NCOA5: variants seen among roughly 807,000 people sequenced by gnomAD.
NCOA5 encodes the protein nuclear receptor coactivator 5.
In NCOA5, 12 loss-of-function variants were observed where a neutral mutation model predicts 59.0. The ratio of observed to expected loss-of-function variants is 0.20; its 90% confidence interval spans 0.13 to 0.33. The LOEUF (loss-of-function observed/expected upper bound fraction) is 0.33. Among genes scored for constraint, NCOA5 ranks in the 10% least tolerant of loss-of-function variants. The pLI is 1.00. For synonymous variants in NCOA5, 270 were observed against 275.5 expected (o/e 0.98, Z 0.20); for missense variants, 655 against 766.6 (o/e 0.85, Z 1.72).
rs934046844 is a variant in NCOA5, at chr20:46,089,661, T to C, written c.-30+156A>G. On this transcript the variant is annotated intron_variant, in intron 1 of 7. Transcript: ENST00000290231. ...AGGCGGCCGCGCCCCGCACCGGGCA[T>C]GCGCAGCACCGCGCGCACCCGGAGA... 3.3e-5 allele frequency among the ~76,000 whole-genome samples: 5 copies of C among 152,002 alleles called. No individual in the cohort carries two copies. The East Asian group carries it at 7.8e-4, about 24-fold the overall frequency.
At chr20:46,064,103 C>T (rs769311470) in intron 6 of NCOA5, among the ~76,000 whole-genome samples, 1 of 152,132 alleles carries the variant, frequency 6.6e-6, no homozygotes, top group African/African-American at 2.4e-5. Context: ...AGCTGGCCTA[C>T]CATTTTTTAA....
chr20:46,070,194 G>GT lies in NCOA5; in HGVS notation c.365+15dup. On this transcript the variant is annotated intron_variant, in intron 3 of 7. Coordinates refer to ENST00000290231, the MANE Select transcript of NCOA5 (RefSeq NM_020967.3). Reference sequence around the variant, plus strand: ...AAGAACTCAGGAAAAAACAAGCAGAGTAACTACGTATGTACCTGTACATAG... The same window carrying GT: ...AAGAACTCAGGAAAAAACAAGCAGAGTTAACTACGTATGTACCTGTACATAG... The GT allele has an allele frequency of 6.3e-7, 1 of 1,589,288 alleles. No homozygotes were observed. The highest frequency in any genetic ancestry group is 1.3e-5 in the African/African-American group (1 of 74,206).
chr20:46,063,206 T>C, intron 7 of NCOA5, 154 bp downstream of exon 7: 2 of 692,100 alleles, frequency 2.9e-6, no homozygotes, highest in Non-Finnish European at 4.8e-6. Flanking sequence ...ATTAACATTA[T>C]ATCAGCATGG....
In NCOA5 at chr20:46,067,816, T is replaced by TA. The variant is rs201464584; in HGVS notation, c.503-636dup. Among the ~76,000 whole-genome samples the TA allele has an allele frequency of 6.1e-3, 930 of 151,918 alleles. 12 individuals are homozygous for TA. Among genetic ancestry groups the TA allele is most frequent in the African/African-American group, 0.021 (884 of 41,458 alleles). Reference sequence around the variant, plus strand: ...AAGAGATGCTGTTAGGTAAAAGTTATAAAAAAAACCAAAAACCTATTTTGC... The same window carrying TA: ...AAGAGATGCTGTTAGGTAAAAGTTATAAAAAAAAACCAAAAACCTATTTTGC... On this transcript the variant is annotated intron_variant, in intron 4 of 7. Coordinates refer to ENST00000290231, the MANE Select transcript of NCOA5 (RefSeq NM_020967.3).
intron 1 of NCOA5, among the ~76,000 whole-genome samples, chr20:46,080,869 C>G (rs2084985219): frequency 6.6e-6 from 1 of 152,046 alleles, no homozygotes; most frequent in Admixed American, 6.5e-5. Flanking sequence ...CATAGCTTTG[C>G]TACTGCATGC....
chr20:46,086,582 TTC>T (rs1345380880), intron 1 of NCOA5, among the ~76,000 whole-genome samples: 1 of 152,226 alleles, frequency 6.6e-6, no homozygotes, highest in Non-Finnish European at 1.5e-5. Flanking sequence ...TAAAGGATAA[TTC>T]TGTTAGTCAT....
intron 2 of NCOA5, among the ~76,000 whole-genome samples, chr20:46,073,345 G>A (rs1291069044): frequency 6.6e-6 from 1 of 152,188 alleles, no homozygotes; most frequent in Non-Finnish European, 1.5e-5. Context: ...CCTGACTTGT[G>A]AGAGCAAACA....
chr20:46,086,401 CATAA>C (rs2085045871), intron 1 of NCOA5, among the ~76,000 whole-genome samples: 2 of 152,064 alleles, frequency 1.3e-5, no homozygotes, highest in Admixed American at 1.3e-4. Context: ...TGACCATTCC[CATAA>C]ATATTCATAT....
intron 6 of NCOA5, 146 bp from the exon 7 acceptor site, chr20:46,063,826 G>A (rs940682358): frequency 6.0e-6 from 5 of 831,428 alleles, no homozygotes; most frequent in African/African-American, 3.4e-5. Flanking sequence ...GTGGGGTGGT[G>A]TGGGGGGAGA....
At chr20:46,070,116 TAA>T (rs1223654471) in intron 3 of NCOA5, 92 bp downstream of exon 3, 11 of 993,084 alleles carry the variant, frequency 1.1e-5, no homozygotes, top group Non-Finnish European at 1.6e-5. Flanking sequence ...AAAAGGCTGA[TAA>T]AATGACTGCT....
chr20:46,080,001 A>G (rs2084975100), intron 1 of NCOA5, among the ~76,000 whole-genome samples: 1 of 152,212 alleles, frequency 6.6e-6, no homozygotes, highest in Non-Finnish European at 1.5e-5. Context: ...CTTCCAGAAT[A>G]ACATGCAGGA....
chr20:46,066,183 A>T (rs2084821858), intron 5 of NCOA5, among the ~76,000 whole-genome samples: 1 of 152,174 alleles, frequency 6.6e-6, no homozygotes, highest in Admixed American at 6.5e-5. Flanking sequence ...CCACCTAGGG[A>T]AAGGGAACAT....
chr20:46,071,436 T>A (rs973082102), intron 2 of NCOA5, among the ~76,000 whole-genome samples: 5 of 152,340 alleles, frequency 3.3e-5, no homozygotes, highest in Non-Finnish European at 7.3e-5. Context: ...CCGTTCACTT[T>A]TTCTTTCCAT....
At chr20:46,070,558 T>C (rs1568881333) in intron 2 of NCOA5, 22 bp from the exon 3 acceptor site, 5 of 1,603,088 alleles carry the variant, frequency 3.1e-6, no homozygotes, top group Non-Finnish European at 4.3e-6. Flanking sequence ...AGCAAGAAAA[T>C]GCTAAGACAA....
chr20:46,078,787 G>A (rs1460212966), intron 2 of NCOA5, among the ~76,000 whole-genome samples: 3 of 152,072 alleles, frequency 2.0e-5, no homozygotes, highest in East Asian at 1.9e-4. Context: ...TGTATACACC[G>A]GAAGGAAGAA....
At position 46,074,026 on chromosome 20, in the gene NCOA5, G is replaced by C. The variant is rs541284956; in HGVS notation, c.39-3490C>G. 2.6e-5 allele frequency among the ~76,000 whole-genome samples: 4 copies of C among 152,346 alleles called. No homozygotes were observed. The South Asian group carries it at 8.3e-4, about 32-fold the overall frequency. ...AAAAGGAAAAAGAACCAAAGGCATGGTGGAAGTAGGGACAAAGAAGATAAT... is the reference window on the plus strand; with the variant it reads ...AAAAGGAAAAAGAACCAAAGGCATGCTGGAAGTAGGGACAAAGAAGATAAT... On this transcript the variant is annotated intron_variant, in intron 2 of 7. Transcript: ENST00000290231.
At position 46,062,126 on chromosome 20, in the gene NCOA5, G is replaced by T; in HGVS notation, c.*174C>A. 1 of 564,432 alleles carries T rather than the reference G, an allele frequency of 1.8e-6. No individual in the cohort carries two copies. Among genetic ancestry groups the T allele is most frequent in the East Asian group, 2.8e-5 (1 of 35,630 alleles). 35.0% of individuals were successfully genotyped at this position (564,432 alleles called of 1,614,324 possible). ...CAGCCCCAAATGCAGTATAAACTTT[G>T]TAAGGAATAAGCAACACAGCCTTGG... On this transcript the variant is annotated 3_prime_UTR_variant, in exon 8 of 8. Coordinates refer to ENST00000290231, the MANE Select transcript of NCOA5 (RefSeq NM_020967.3).
At chr20:46,077,860 C>T (rs1403221684) in intron 2 of NCOA5, among the ~76,000 whole-genome samples, 2 of 152,210 alleles carry the variant, frequency 1.3e-5, no homozygotes, top group East Asian at 3.8e-4. Context: ...TGCCCAAGAT[C>T]TGTGGCATGG....
At chr20:46,076,942 G>T (rs933441230) in intron 2 of NCOA5, among the ~76,000 whole-genome samples, 1 of 152,142 alleles carries the variant, frequency 6.6e-6, no homozygotes, top group African/African-American at 2.4e-5. Context: ...TTGAGACAGG[G>T]ACTCACTCTG....
Sources: gnomAD v4.1 joint callset for allele counts (sites outside exome capture counted in the v4.1 genomes callset) on GRCh38, gnomAD v4.1.1 for gene constraint, MANE v1.5 for transcripts, NCBI Gene and HGNC (gene_info 2026-07-23, HGNC 2026-07-21) for gene names.